The following LHX9 variants were observed in gnomAD, a reference collection of about 807,000 sequenced individuals.
LHX9 encodes LIM homeobox 9.
Under a neutral mutation model 36.5 loss-of-function variants are expected in LHX9, and 9 were observed. The observed-to-expected ratio is 0.25, with a 90% CI of 0.15 to 0.43. The LOEUF (loss-of-function observed/expected upper bound fraction) is 0.43, where lower values mean the gene tolerates loss of function less well. Ranked by LOEUF, LHX9 falls within the 20% of genes least tolerant of loss-of-function variation. The pLI, the probability that LHX9 is intolerant of heterozygous loss-of-function variation, is 1.00. For missense variants in LHX9, 464 were observed against 526.4 expected (o/e 0.88, Z 1.16); for synonymous variants, 211 against 212.1 (o/e 0.99, Z 0.04).
rs770623864 is a variant in LHX9 at position 197,917,930 on chromosome 1, A to G, written c.107A>G (p.Glu36Gly). ...GGCCACATCCAAGGCATCATGGAGG[A>G]GATGGAGCGCAGATCCAAGACTGAG... The part of the protein sequence containing the change: ...SGGHIQGIME[E>G]MERRSKTEAR... The change falls in exon 1 of 5, where the codon GAG becomes GGG. Residue 36 changes from glutamate (E) to glycine (G), a missense_variant. By Grantham distance (98) the Glu-to-Gly change is moderately conservative. Coordinates refer to ENST00000367387, the MANE Select transcript of LHX9 (RefSeq NM_020204.3). 1 of 1,614,132 alleles carries G rather than the reference A, an allele frequency of 6.2e-7. No homozygotes were observed. The highest frequency in any genetic ancestry group is 1.7e-5 in the Admixed American group (1 of 60,022).
chr1:197,917,526 C>T lies in LHX9; in HGVS notation c.-298C>T, dbSNP rs1324521966. 1.4e-6 allele frequency: 2 copies of T among 1,428,104 alleles called. No homozygotes were observed. Among genetic ancestry groups the T allele is most frequent in the Admixed American group, 4.3e-5 (2 of 47,012 alleles). 88.5% of individuals were successfully genotyped at this position (1,428,104 alleles called of 1,614,324 possible). On this transcript the variant is annotated 5_prime_UTR_variant, in exon 1 of 5. Transcript: ENST00000367387. Reference sequence around the variant, plus strand: ...CGCTGCAGTTGTTTCCCATTAGTAACTCGATCTCTCAGAGCAGTAAGATTC... The same window carrying T: ...CGCTGCAGTTGTTTCCCATTAGTAATTCGATCTCTCAGAGCAGTAAGATTC...
upstream of LHX9, among the ~76,000 whole-genome samples, chr1:197,915,353 G>A (rs1479814188): frequency 6.6e-6 from 1 of 152,174 alleles, no homozygotes; most frequent in Non-Finnish European, 1.5e-5. Flanking sequence ...CCTCTGACTT[G>A]TGTGAAGGCA....
Position 197,929,645 on chromosome 1 carries a change from G to T in LHX9, c.*386G>T. 5 of 912,294 alleles carry T rather than the reference G, an allele frequency of 5.5e-6. No homozygotes were observed. The highest frequency in any genetic ancestry group is 5.2e-6 in the Non-Finnish European group (4 of 763,276). The allele number at this position is 912,294 out of a possible 1,614,324, so 56.5% of individuals were successfully genotyped here. On this transcript the variant is annotated 3_prime_UTR_variant, in exon 5 of 5. Coordinates refer to ENST00000367387, the MANE Select transcript of LHX9 (RefSeq NM_020204.3). ...CAAATAATCATATTCCCACTTAAAT[G>T]ATTAGGTTAATAAAGAACCAGATAA...
At position 197,934,421 on chromosome 1, in the gene LHX9, T is replaced by C. The variant is rs1182065670; in HGVS notation, c.*5162T>C. 1.3e-5 allele frequency: 2 copies of C among 152,160 alleles called. No individual in the cohort carries two copies. Among genetic ancestry groups the C allele is most frequent in the Non-Finnish European group, 2.9e-5 (2 of 68,010 alleles). The allele number at this position is 152,160 out of a possible 1,614,324, so 9.4% of individuals were successfully genotyped here. On this transcript the variant is annotated 3_prime_UTR_variant, in exon 5 of 5. Transcript: ENST00000367387. The stretch of plus-strand genomic sequence containing the variant: ...GAGAATATTAGGGATAATACTGTTG[T>C]AAAAAATAAATATAAACACCTAATT...
intron 2 of LHX9, among the ~76,000 whole-genome samples, chr1:197,920,540 G>C (rs536429812): frequency 2.0e-5 from 3 of 152,222 alleles, no homozygotes; most frequent in Admixed American, 2.0e-4. Flanking sequence ...CAAGTTCTGC[G>C]CCTTGAAACT....
intron 3 of LHX9, among the ~76,000 whole-genome samples, chr1:197,923,420 G>A (rs2102597936): frequency 1.3e-5 from 2 of 152,178 alleles, no homozygotes; most frequent in South Asian, 4.1e-4. Flanking sequence ...GGGCAGGGCA[G>A]GCAGGGCACT....
intron 4 of LHX9, among the ~76,000 whole-genome samples, chr1:197,928,230 C>G (rs928410027): frequency 2.0e-5 from 3 of 152,194 alleles, no homozygotes; most frequent in Non-Finnish European, 4.4e-5. Context: ...CTTTTTTCCA[C>G]TCCTGAAAAG....
chr1:197,913,597 C>G (rs548403483), upstream of LHX9, among the ~76,000 whole-genome samples: 1 of 152,194 alleles, frequency 6.6e-6, no homozygotes, highest in Non-Finnish European at 1.5e-5. Flanking sequence ...TTCCATCCAG[C>G]GCAGCCCGGG....
intron 1 of LHX9, chr1:197,918,855 T>C (rs17582664): frequency 0.016 from 2,390 of 145,630 alleles, 31 homozygotes; most frequent in Middle Eastern, 0.034. Flanking sequence ...CATAGCTGTG[T>C]AGATCCTTTG....
At chr1:197,922,544 G>A (rs1660025130) in intron 3 of LHX9, among the ~76,000 whole-genome samples, 1 of 152,188 alleles carries the variant, frequency 6.6e-6, no homozygotes, top group Admixed American at 6.5e-5. Flanking sequence ...TGAGGATGGT[G>A]ATCGGCTCTG....
At chr1:197,916,161 G>A (rs1350007181), upstream of LHX9, 1 of 153,338 alleles carries the variant, frequency 6.5e-6, no homozygotes, top group Non-Finnish European at 1.5e-5. Context: ...GGACTCCTAG[G>A]GGGCCTCTGG....
intron 1 of LHX9, chr1:197,918,379 C>A (rs752843722): frequency 2.3e-4 from 165 of 717,152 alleles, no homozygotes; most frequent in Non-Finnish European, 3.6e-4. Context: ...AGGAGGACGG[C>A]GCGCTGCCGA....
chr1:197,919,682 G>C (rs1022899416), intron 1 of LHX9, among the ~76,000 whole-genome samples: 5 of 152,222 alleles, frequency 3.3e-5, no homozygotes, highest in Non-Finnish European at 5.9e-5. Flanking sequence ...CCAAACTGTA[G>C]TCAATATTTT....
intron 1 of LHX9, chr1:197,918,810 G>GTGGA (rs56670022): frequency 1.9e-5 from 1 of 51,638 alleles, no homozygotes; most frequent in Non-Finnish European, 4.2e-5. Flanking sequence ...GGGGGGGGGG[G>GTGGA]ACTACAGAAG....
In LHX9 at chr1:197,931,866, C is replaced by G; in HGVS notation, c.*2607C>G. On this transcript the variant is annotated 3_prime_UTR_variant, in exon 5 of 5. Transcript: ENST00000367387. ...AAATCTAAATAGAAATTGCAGACCCCTAAAAGCCAAGTTGCTCTGTAGTTA... is the reference window on the plus strand; with the variant it reads ...AAATCTAAATAGAAATTGCAGACCCGTAAAAGCCAAGTTGCTCTGTAGTTA... 1 of 1,380,950 alleles carries G rather than the reference C, an allele frequency of 7.2e-7. No homozygotes were observed. Among genetic ancestry groups the G allele is most frequent in the Non-Finnish European group, 1.0e-6 (1 of 996,694 alleles). 85.5% of individuals were successfully genotyped at this position (1,380,950 alleles called of 1,614,324 possible). A position where few individuals can be genotyped will look rare whatever the true frequency, so the allele number is the denominator to read the frequency against.
At chr1:197,918,898 C>T (rs1659877472) in intron 1 of LHX9, 2 of 144,920 alleles carry the variant, frequency 1.4e-5, no homozygotes, top group South Asian at 2.2e-4. Context: ...CCAAACTAAT[C>T]AGGAGACTGC....
Position 197,933,295 on chromosome 1 carries a change from A to T in LHX9, c.*4036A>T, listed in dbSNP as rs1427825316. The T allele has an allele frequency of 6.6e-6, 1 of 152,146 alleles. No homozygotes were observed. The highest frequency in any genetic ancestry group is 2.4e-5 in the African/African-American group (1 of 41,448). The allele number at this position is 152,146 out of a possible 1,614,324, so 9.4% of individuals were successfully genotyped here. ...CTTACATGTATTCTCAGAATTTTGA[A>T]TGTTTTCTTAAATGCTTTCACTTCC... On this transcript the variant is annotated 3_prime_UTR_variant, in exon 5 of 5. Transcript: ENST00000367387.
chr1:197,921,709 A>G lies in LHX9; in HGVS notation c.733+50A>G, dbSNP rs764343172. 3.5e-6 allele frequency: 5 copies of G among 1,432,598 alleles called. No individual in the cohort carries two copies. The South Asian group carries it at 6.8e-5, about 19-fold the overall frequency. The allele number at this position is 1,432,598 out of a possible 1,614,324, so 88.7% of individuals were successfully genotyped here. On this transcript the variant is annotated intron_variant, in intron 3 of 4. Transcript: ENST00000367387. The surrounding 1 kb of genome is among the most constrained non-coding windows in gnomAD (Gnocchi z 4.6). ...GCGCAGCCCCGGCCTCCCTGAGGAAAATTCGTAGAGCTCCTTCCCCGTCCA... is the reference window on the plus strand; with the variant it reads ...GCGCAGCCCCGGCCTCCCTGAGGAAGATTCGTAGAGCTCCTTCCCCGTCCA...
chr1:197,932,108 T>C lies in LHX9; in HGVS notation c.*2849T>C. On this transcript the variant is annotated 3_prime_UTR_variant, in exon 5 of 5. Transcript: ENST00000367387. ...AAAGAGAGAGAGAGAGACTTAAATG[T>C]CATTTACTGAATGTTAACGAAACTT... is the stretch of plus-strand genomic sequence containing the variant. 1 of 613,788 alleles carries C rather than the reference T, an allele frequency of 1.6e-6. No homozygotes were observed. Among genetic ancestry groups the C allele is most frequent in the South Asian group, 2.7e-5 (1 of 37,646 alleles). The allele number at this position is 613,788 out of a possible 1,614,324, so 38.0% of individuals were successfully genotyped here. A position where few individuals can be genotyped will look rare whatever the true frequency, so the allele number is the denominator to read the frequency against.
Sources: allele counts gnomAD v4.1 joint callset (sites outside exome capture counted in the v4.1 genomes callset), GRCh38; gene constraint gnomAD v4.1.1; non-coding constraint Gnocchi (gnomAD v3.1); transcripts MANE v1.5; gene names NCBI Gene and HGNC (gene_info 2026-07-23, HGNC 2026-07-21).